The following ZNF609 variants were observed in gnomAD, a reference collection of about 807,000 sequenced individuals.
ZNF609 encodes zinc finger protein 609.
ZNF609 carries 11 observed loss-of-function variants against 109.5 expected under a neutral mutation model. The observed-to-expected ratio is 0.10, with a 90% CI of 0.06 to 0.17. The LOEUF is 0.17. Ranked by LOEUF, ZNF609 falls within the 10% of genes least tolerant of loss-of-function variation. ZNF609 has a pLI of 1.00. For synonymous variants in ZNF609, 646 were observed against 662.0 expected (o/e 0.98, Z 0.37); for missense variants, 1,559 against 1,772.4 (o/e 0.88, Z 2.16).
At chr15:64,466,383 C>T (rs1893015547) in intron 1 of ZNF609, among the ~76,000 whole-genome samples, 1 of 152,156 alleles carries the variant, frequency 6.6e-6, no homozygotes, top group Non-Finnish European at 1.5e-5. Context: ...GTTGTGTGCC[C>T]CTTCTCTTGA....
intron 2 of ZNF609, among the ~76,000 whole-genome samples, chr15:64,554,838 T>TTTGG (rs1384359594): frequency 6.6e-6 from 1 of 152,044 alleles, no homozygotes; most frequent in African/African-American, 2.4e-5. Context: ...GGCTCACACC[T>TTTGG]GTAATCCCAG....
At chr15:64,580,582 G>C (rs972156530) in intron 2 of ZNF609, among the ~76,000 whole-genome samples, 1 of 144,972 alleles carries the variant, frequency 6.9e-6, no homozygotes, top group Non-Finnish European at 1.5e-5. Flanking sequence ...ACAGAGTCTC[G>C]TTCTGTCGCC....
At chr15:64,679,684 A>G (rs1300202866) in intron 6 of ZNF609, among the ~76,000 whole-genome samples, 2 of 152,348 alleles carry the variant, frequency 1.3e-5, no homozygotes, top group African/African-American at 4.8e-5. Flanking sequence ...GCTCGCCCTG[A>G]GCCAGGCGCT....
intron 3 of ZNF609, among the ~76,000 whole-genome samples, chr15:64,630,442 A>C (rs1026331714): frequency 1.3e-5 from 2 of 151,906 alleles, no homozygotes; most frequent in Non-Finnish European, 2.9e-5. Flanking sequence ...ATCTCTGTAT[A>C]ATTTTTTAGT....
intron 3 of ZNF609, among the ~76,000 whole-genome samples, chr15:64,639,917 C>CTTTGT (rs562220004): frequency 2.0e-5 from 3 of 151,874 alleles, no homozygotes; most frequent in East Asian, 1.9e-4. Context: ...TCTTTTTTTG[C>CTTTGT]TTTGTTTTGT....
rs746324813 is a variant in ZNF609, at chr15:64,674,326, C to A, written c.1472C>A (p.Ser491Tyr). The change falls in exon 5 of 10, where the codon TCC (serine) becomes TAC (tyrosine). Residue 491 changes from serine (S) to tyrosine (Y), a missense_variant. This residue lies in a region of ZNF609 where 1,204 missense variants were observed against 1,314.1 expected (regional missense o/e 0.92). Coordinates refer to ENST00000326648, the MANE Select transcript of ZNF609 (RefSeq NM_015042.2). ...ACTGTTCTGGACAGAAACTGCCCCT[C>A]CCCCGTCCTAATTGACTGTCCCCAC... ...EPTVLDRNCPSPVLIDCPHPN... is the reference protein window; with the variant it reads ...EPTVLDRNCPYPVLIDCPHPN... 4.3e-6 allele frequency: 7 copies of A among 1,614,120 alleles called. No individual in the cohort carries two copies. The highest frequency in any genetic ancestry group is 5.9e-6 in the Non-Finnish European group (7 of 1,180,020).
intron 1 of ZNF609, among the ~76,000 whole-genome samples, chr15:64,494,971 T>C (rs1477223654): frequency 6.6e-6 from 1 of 152,200 alleles, no homozygotes; most frequent in African/African-American, 2.4e-5. Context: ...CCTTTCAGTT[T>C]ATTAATATCA....
chr15:64,682,005 G>A lies in ZNF609; in HGVS notation c.*319G>A, dbSNP rs1308554970. The A allele has an allele frequency of 6.5e-6, 1 of 152,850 alleles. No individual in the cohort carries two copies. The highest frequency in any genetic ancestry group is 2.4e-5 in the African/African-American group (1 of 41,452). The allele number at this position is 152,850 out of a possible 1,614,324, so 9.5% of individuals were successfully genotyped here. A position where few individuals can be genotyped will look rare whatever the true frequency, so the allele number is the denominator to read the frequency against. On this transcript the variant is annotated 3_prime_UTR_variant, in exon 10 of 10. Transcript: ENST00000326648. ...ACCAGGGGAACATGGCCTCAGCCCA[G>A]AGAAGCCACTGCTCTGTTCCCCAAG...
intron 2 of ZNF609, among the ~76,000 whole-genome samples, chr15:64,511,037 T>C (rs770325269): frequency 6.6e-6 from 1 of 151,622 alleles, no homozygotes; most frequent in Non-Finnish European, 1.5e-5. Context: ...TTTTATAAAC[T>C]GGTACCTAAC....
At chr15:64,469,084 T>G (rs11638052) in intron 1 of ZNF609, among the ~76,000 whole-genome samples, 1 of 129,310 alleles carries the variant, frequency 7.7e-6, no homozygotes, top group Non-Finnish European at 1.6e-5. Flanking sequence ...GCCAACATGG[T>G]GAAACCTTGT....
At chr15:64,586,261 G>A (rs2140933680) in intron 2 of ZNF609, among the ~76,000 whole-genome samples, 1 of 151,952 alleles carries the variant, frequency 6.6e-6, no homozygotes, top group East Asian at 1.9e-4. Flanking sequence ...GGGAGGCAGA[G>A]GTTGCGGTGA....
In ZNF609 at chr15:64,682,461, A is replaced by T. The variant is rs2083215933; in HGVS notation, c.*775A>T. On this transcript the variant is annotated 3_prime_UTR_variant, in exon 10 of 10. Coordinates refer to ENST00000326648, the MANE Select transcript of ZNF609 (RefSeq NM_015042.2). ...GGAGCAAGCTGGTGCTGGAGCATGA[A>T]TGACGTCTGTGAAGTAGAACCTGCG... 6.5e-6 allele frequency: 1 copy of T among 152,714 alleles called. No individual in the cohort carries two copies. The highest frequency in any genetic ancestry group is 2.4e-5 in the African/African-American group (1 of 41,456). The allele number at this position is 152,714 out of a possible 1,614,324, so 9.5% of individuals were successfully genotyped here.
At chr15:64,652,676 C>G (rs143080311) in intron 3 of ZNF609, among the ~76,000 whole-genome samples, 72 of 152,260 alleles carry the variant, frequency 4.7e-4, no homozygotes, top group Middle Eastern at 6.8e-3. Flanking sequence ...GTGTGAATCA[C>G]TATGCCTGGC....
Position 64,499,758 on chromosome 15 carries a change from G to A in ZNF609, c.339G>A (p.Glu113=). Residue 113 remains glutamate (E), a synonymous_variant, in exon 2 of 10, where the codon GAG becomes GAA. Coordinates refer to ENST00000326648, the MANE Select transcript of ZNF609 (RefSeq NM_015042.2). Reference sequence around the variant, plus strand: ...GGACTTCCCTGTTCACTCCAAGTGAGGGGGCAGCTAGCAAGAAAGAGGTGC... The same window carrying A: ...GGACTTCCCTGTTCACTCCAAGTGAAGGGGCAGCTAGCAAGAAAGAGGTGC... ...TPGTSLFTPS[E]GAASKKEVQG... 1 of 1,614,074 alleles carries A rather than the reference G, an allele frequency of 6.2e-7. No individual in the cohort carries two copies. Among genetic ancestry groups the A allele is most frequent in the African/African-American group, 1.3e-5 (1 of 75,036 alleles).
intron 2 of ZNF609, among the ~76,000 whole-genome samples, chr15:64,512,493 A>G (rs1374972417): frequency 6.6e-6 from 1 of 152,166 alleles, no homozygotes; most frequent in African/African-American, 2.4e-5. Flanking sequence ...ATTTTCTGGA[A>G]ATTCATGACA....
rs556917034 is a variant in ZNF609 at position 64,483,333 on chromosome 15, A to G, written c.-127-15960A>G. Among the ~76,000 whole-genome samples, 12 of 152,114 alleles carry G rather than the reference A, an allele frequency of 7.9e-5. No individual in the cohort carries two copies. The South Asian group carries it at 2.3e-3, about 29-fold the overall frequency. ...GGTCTCGAACTCCCAGCCTTAGGTG[A>G]TCTGCCCGCCTCAGCCTCCCAAAGT... On this transcript the variant is annotated intron_variant, in intron 1 of 9. Transcript: ENST00000326648.
chr15:64,617,326 A>G (rs1202106175), intron 2 of ZNF609, among the ~76,000 whole-genome samples: 1 of 151,482 alleles, frequency 6.6e-6, no homozygotes, highest in Non-Finnish European at 1.5e-5. Flanking sequence ...CCGGCCAAAA[A>G]ATTAAAAAAA....
chr15:64,579,705 C>T (rs1424800446), intron 2 of ZNF609, among the ~76,000 whole-genome samples: 1 of 60,776 alleles, frequency 1.6e-5, no homozygotes, highest in Non-Finnish European at 6.1e-5. Context: ...GGAAAACAAA[C>T]AAACAAAAAA....
chr15:64,573,416 G>A (rs978681853), intron 2 of ZNF609, among the ~76,000 whole-genome samples: 2 of 134,078 alleles, frequency 1.5e-5, no homozygotes, highest in Non-Finnish European at 3.1e-5. Context: ...GTGCAGTGGC[G>A]CAATCTTGGC....
Sources: gnomAD v4.1 joint callset for allele counts (sites outside exome capture counted in the v4.1 genomes callset) on GRCh38, gnomAD v4.1.1 for gene constraint, gnomAD v4.1.1 regional missense constraint, MANE v1.5 for transcripts, NCBI Gene and HGNC (gene_info 2026-07-23, HGNC 2026-07-21) for gene names.